SNAPC4: variants seen among roughly 807,000 people sequenced by gnomAD.
SNAPC4 encodes the protein snRNA-activating protein complex subunit 4.
SNAPC4 carries 127 observed loss-of-function variants against 151.3 expected under a neutral mutation model. That is an observed-to-expected ratio of 0.84 (90% CI 0.73 to 0.97). The LOEUF is 0.97. Among genes scored for constraint, SNAPC4 ranks in the 50% least tolerant of loss-of-function variants. SNAPC4 has a pLI of 0.00. For missense variants in SNAPC4, 2,186 were observed against 1,935.0 expected (o/e 1.13, Z -2.43); for synonymous variants, 1,002 against 824.4 (o/e 1.22, Z -3.69).
rs1480345220 is a variant in SNAPC4, at chr9:136,392,133, G to A, written c.811-27C>T. On this transcript the variant is annotated intron_variant, in intron 9 of 23. Transcript: ENST00000684778. ...TGCACCGACAGAGACACTCAGCCTT[G>A]CAGGCCACTGACCCCAGGGGCACCC... 5 of 1,609,462 alleles carry A rather than the reference G, an allele frequency of 3.1e-6. No homozygotes were observed. In the East Asian group the frequency reaches 6.7e-5, roughly 22 times the overall value.
At chr9:136,384,363 G>A (rs1480450827) in intron 14 of SNAPC4, among the ~76,000 whole-genome samples, 1 of 152,224 alleles carries the variant, frequency 6.6e-6, no homozygotes, top group East Asian at 1.9e-4. Context: ...TGGGGCAGCA[G>A]GAGGAGCACG....
intron 10 of SNAPC4, among the ~76,000 whole-genome samples, chr9:136,390,896 G>C (rs1424695579): frequency 2.7e-5 from 4 of 150,694 alleles, no homozygotes; most frequent in Non-Finnish European, 5.9e-5. Context: ...GTGCAGTGGC[G>C]CGACGTCCGC....
chr9:136,388,434 G>A lies in SNAPC4; in HGVS notation c.1123+10C>T, dbSNP rs370739927. Reference sequence around the variant, plus strand: ...ACAGCCTGAGAGCCGTCGGGGTGGAGGGGCCTCACTTCTGCGGTAGGGGAT... The same window carrying A: ...ACAGCCTGAGAGCCGTCGGGGTGGAAGGGCCTCACTTCTGCGGTAGGGGAT... On this transcript the variant is annotated intron_variant, in intron 11 of 23. Coordinates refer to ENST00000684778, the MANE Select transcript of SNAPC4 (RefSeq NM_003086.4). 73 of 1,610,452 alleles carry A rather than the reference G, an allele frequency of 4.5e-5. No homozygotes were observed. The highest frequency in any genetic ancestry group is 6.0e-5 in the Non-Finnish European group (71 of 1,177,754).
chr9:136,384,026 C>T lies in SNAPC4; in HGVS notation c.1427G>A (p.Trp476Ter). Residue 476 changes from tryptophan (W) to a stop codon, truncating the protein, a stop_gained, in exon 15 of 24, where the codon TGG becomes TAG. Coordinates refer to ENST00000684778, the MANE Select transcript of SNAPC4 (RefSeq NM_003086.4). LOFTEE classifies it high-confidence loss of function. ...GGGCAGCTCAGAAGCTATTTTTGCC[C>T]AGTGACCTGCAAAAGCCAAACCCCA... ...ELIEKYGVGH[W>*]AKIASELPHR... 1 of 1,613,482 alleles carries T rather than the reference C, an allele frequency of 6.2e-7. No individual in the cohort carries two copies. The highest frequency in any genetic ancestry group is 8.5e-7 in the Non-Finnish European group (1 of 1,179,798).
rs746863525 is a variant in SNAPC4 at position 136,384,704 on chromosome 9, A to G, written c.1420+16T>C. 11 of 1,245,392 alleles carry G rather than the reference A, an allele frequency of 8.8e-6. No individual in the cohort carries two copies. The East Asian group carries it at 2.4e-4, about 27-fold the overall frequency. The allele number at this position is 1,245,392 out of a possible 1,614,324, so 77.1% of individuals were successfully genotyped here. On this transcript the variant is annotated intron_variant, in intron 14 of 23. Transcript: ENST00000684778. ...CAAAAAAAAGAAACTAGAAGAACAA[A>G]CTGTCAGCAACTTACCGACACCATA...
At position 136,378,939 on chromosome 9, in the gene SNAPC4, G is replaced by A. The variant is rs201743725; in HGVS notation, c.2888C>T (p.Pro963Leu). 3.9e-5 allele frequency: 63 copies of A among 1,610,572 alleles called. No individual in the cohort carries two copies. The East Asian group carries it at 1.0e-3, about 26-fold the overall frequency. Residue 963 changes from proline to leucine, a missense_variant, in exon 22 of 24, where the codon CCT becomes CTT. Coordinates refer to ENST00000684778, the MANE Select transcript of SNAPC4 (RefSeq NM_003086.4). ...SGPGAPAAAK[P>L]GTSGSWQEAG... ...CTCCTGCCAGGAGCCAGAAGTGCCA[G>A]GTTTGGCTGCCGCGGGGGCCCCAGG...
intron 22 of SNAPC4, 70 bp from the exon 23 acceptor site, chr9:136,376,551 G>C: frequency 1.3e-6 from 2 of 1,575,640 alleles, no homozygotes; most frequent in East Asian, 2.3e-5. Flanking sequence ...GAAGGGACGG[G>C]AGTGAGGAGG....
chr9:136,400,123 G>C lies in SNAPC4; in HGVS notation c.-10+11C>G, dbSNP rs1052207597. 1 of 152,248 alleles carries C rather than the reference G, an allele frequency of 6.6e-6. No individual in the cohort carries two copies. The highest frequency in any genetic ancestry group is 1.9e-4 in the East Asian group (1 of 5,174). 9.4% of individuals were successfully genotyped at this position (152,248 alleles called of 1,614,324 possible). On this transcript the variant is annotated intron_variant, in intron 1 of 23. Coordinates refer to ENST00000684778, the MANE Select transcript of SNAPC4 (RefSeq NM_003086.4). ...GCCACCCGCGCCTCACCTGCTGGGC[G>C]CACACCTTACCTGGCCGCGCGGACC...
intron 9 of SNAPC4, 68 bp from the exon 10 acceptor site, chr9:136,392,174 G>A: frequency 6.3e-7 from 1 of 1,582,060 alleles, no homozygotes; most frequent in Non-Finnish European, 8.6e-7. Flanking sequence ...GCAGCTCCAG[G>A]CTGAGCTGTT....
Position 136,394,339 on chromosome 9 carries a change from A to G in SNAPC4, c.551-9T>C, listed in dbSNP as rs932846193. On this transcript the variant is annotated splice_polypyrimidine_tract_variant and intron_variant, in intron 6 of 23. Transcript: ENST00000684778. ...CTTTTCCCAGTTTTTCCCTGAGGAG[A>G]AGCCACAGCATCATCACTGGGGGTC... The G allele has an allele frequency of 3.1e-6, 5 of 1,610,908 alleles. No homozygotes were observed. Among genetic ancestry groups the G allele is most frequent in the Non-Finnish European group, 3.4e-6 (4 of 1,177,462 alleles).
At position 136,382,290 on chromosome 9, in the gene SNAPC4, A is replaced by G. The variant is rs1171480441; in HGVS notation, c.2030T>C (p.Val677Ala). 5.6e-6 allele frequency: 9 copies of G among 1,613,010 alleles called. No homozygotes were observed. The highest frequency in any genetic ancestry group is 7.6e-6 in the Non-Finnish European group (9 of 1,179,932). The change falls in exon 17 of 24, where the codon GTG becomes GCG. Residue 677 changes from valine to alanine, a missense_variant. Physicochemically the swap from Val to Ala is moderately conservative, Grantham distance 64 (BLOSUM62 0). Coordinates refer to ENST00000684778, the MANE Select transcript of SNAPC4 (RefSeq NM_003086.4). ...CCGAGCAGCCGTGTTGGCCCTGAGC[A>G]CCCTCAGCACGGTCTCCACAGGCAC... ...LTVPVETVLR[V>A]LRANTAARSC... is the part of the protein sequence containing the mutation.
chr9:136,380,143 T>A (rs1358833618), intron 20 of SNAPC4, among the ~76,000 whole-genome samples: 1 of 152,198 alleles, frequency 6.6e-6, no homozygotes, highest in Non-Finnish European at 1.5e-5. Context: ...AACCGCAGGC[T>A]GCTGCTGGCT....
At chr9:136,390,623 C>T (rs1316006248) in intron 10 of SNAPC4, among the ~76,000 whole-genome samples, 1 of 150,454 alleles carries the variant, frequency 6.6e-6, no homozygotes, top group Non-Finnish European at 1.5e-5. Context: ...GGGCTGAATC[C>T]CTGGGTGATG....
In SNAPC4 at chr9:136,387,472, C is replaced by A; in HGVS notation, c.1325+13G>T. 6.3e-7 allele frequency: 1 copy of A among 1,589,668 alleles called. No individual in the cohort carries two copies. Among genetic ancestry groups the A allele is most frequent in the Non-Finnish European group, 8.6e-7 (1 of 1,157,938 alleles). On this transcript the variant is annotated intron_variant, in intron 13 of 23. Coordinates refer to ENST00000684778, the MANE Select transcript of SNAPC4 (RefSeq NM_003086.4). ...ACACGGGCCCCTCCCTCGCTCAGCG[C>A]TGTGCGACTCACCGATCTCGGCACT...
intron 11 of SNAPC4, among the ~76,000 whole-genome samples, chr9:136,388,236 C>T (rs2131491336): frequency 6.8e-6 from 1 of 146,058 alleles, no homozygotes; most frequent in Non-Finnish European, 1.5e-5. Context: ...CGTTGCACTC[C>T]ATCCTGGGCA....
Position 136,387,782 on chromosome 9 carries a change from G to C in SNAPC4, c.1190C>G (p.Pro397Arg), listed in dbSNP as rs1159975620. The change falls in exon 12 of 24, where the codon CCT becomes CGT. Residue 397 changes from proline to arginine, a missense_variant. By Grantham distance (103) the Pro-to-Arg change is moderately radical (BLOSUM62 -2). Transcript: ENST00000684778. Reference sequence around the variant, plus strand: ...GGCCCAGTAACCCTTCTTCAGACCAGGATCCAAGCTCTTGGTCCATCGGTA... The same window carrying C: ...GGCCCAGTAACCCTTCTTCAGACCACGATCCAAGCTCTTGGTCCATCGGTA... ...LIYRWTKSLDPGLKKGYWAPE... is the reference protein window; with the variant it reads ...LIYRWTKSLDRGLKKGYWAPE... 3 of 1,612,792 alleles carry C rather than the reference G, an allele frequency of 1.9e-6. No individual in the cohort carries two copies. The South Asian group carries it at 3.3e-5, about 18-fold the overall frequency.
At chr9:136,380,071 G>C (rs11145793) in intron 20 of SNAPC4, among the ~76,000 whole-genome samples, 1 of 152,110 alleles carries the variant, frequency 6.6e-6, no homozygotes, top group African/African-American at 2.4e-5. Flanking sequence ...CAGTGGCTAC[G>C]GCACAGAGCC....
chr9:136,396,509 T>C (rs1007073488), intron 3 of SNAPC4, among the ~76,000 whole-genome samples: 1 of 152,198 alleles, frequency 6.6e-6, no homozygotes, highest in Admixed American at 6.5e-5. Context: ...CTCGGCCTCC[T>C]GGGCTCAAGT....
chr9:136,379,228 CCA>C lies in SNAPC4; in HGVS notation c.2597_2598del (p.Leu866ArgfsTer173). 1 of 1,612,420 alleles carries C rather than the reference CCA, an allele frequency of 6.2e-7. No individual in the cohort carries two copies. On this transcript the variant is annotated frameshift_variant, in exon 22 of 24. Transcript: ENST00000684778. LOFTEE classifies it high-confidence loss of function. ...KSASHKGSRR[L>X]ASSRVERTLP... The stretch of plus-strand genomic sequence containing the variant: ...AGGGTGCGCTCCACCCGGCTGGACG[CCA>C]GTCTTCGGCTCCCTTTGTGGCTGGC...
Sources: gnomAD v4.1 joint callset for allele counts (sites outside exome capture counted in the v4.1 genomes callset) on GRCh38, gnomAD v4.1.1 for gene constraint, MANE v1.5 for transcripts, NCBI Gene and HGNC (gene_info 2026-07-23, HGNC 2026-07-21) for gene names.